Variants in ARHGAP15 observed in about 807,000 individuals in gnomAD.
ARHGAP15 encodes rho GTPase-activating protein 15.
A neutral mutation model predicts 63.7 loss-of-function variants in ARHGAP15; 51 were observed. The ratio of observed to expected loss-of-function variants is 0.80; its 90% confidence interval spans 0.64 to 1.01. The LOEUF (loss-of-function observed/expected upper bound fraction) is 1.01. Among genes scored for constraint, ARHGAP15 ranks in the 50% least tolerant of loss-of-function variants. The probability of loss-of-function intolerance (pLI) is 0.00; values close to 1 mark genes in which losing one functional copy is unlikely to be tolerated. For synonymous variants in ARHGAP15, 191 were observed against 193.8 expected, an observed-to-expected ratio of 0.99 and a Z score of 0.12; for missense variants, 560 against 564.6, an observed-to-expected ratio of 0.99 and a Z score of 0.08.
chr2:143,476,663 T>G (rs556924686), intron 8 of ARHGAP15, among the ~76,000 whole-genome samples: 1 of 152,202 alleles, frequency 6.6e-6, no homozygotes, highest in Non-Finnish European at 1.5e-5. Flanking sequence ...CATTAAACAA[T>G]AGCAAAGCTC....
chr2:143,156,920 T>C (rs1286165078), intron 2 of ARHGAP15, among the ~76,000 whole-genome samples: 1 of 151,962 alleles, frequency 6.6e-6, no homozygotes, highest in Non-Finnish European at 1.5e-5. Context: ...TAGAGTAAAT[T>C]ATTGGAATCT....
chr2:143,547,461 G>A (rs189734852), intron 10 of ARHGAP15, among the ~76,000 whole-genome samples: 11 of 152,034 alleles, frequency 7.2e-5, no homozygotes, highest in African/African-American at 2.7e-4. Flanking sequence ...AAACAAGCCT[G>A]ATCCATAAAG....
At chr2:143,623,021 C>A (rs1471485528) in intron 11 of ARHGAP15, among the ~76,000 whole-genome samples, 1 of 152,128 alleles carries the variant, frequency 6.6e-6, no homozygotes, top group Non-Finnish European at 1.5e-5. Context: ...GACCAAATAC[C>A]TCGGCGCTTG....
At chr2:143,513,567 CTCT>C (rs1418067216) in intron 9 of ARHGAP15, among the ~76,000 whole-genome samples, 1 of 152,196 alleles carries the variant, frequency 6.6e-6, no homozygotes, top group Non-Finnish European at 1.5e-5. Context: ...AGTTTCACTC[CTCT>C]ACTGAAACCA....
At chr2:143,442,958 C>A (rs1689957742) in intron 8 of ARHGAP15, among the ~76,000 whole-genome samples, 1 of 152,134 alleles carries the variant, frequency 6.6e-6, no homozygotes. Flanking sequence ...ATTGATAACT[C>A]ATTGTTTTCC....
intron 8 of ARHGAP15, among the ~76,000 whole-genome samples, chr2:143,439,422 C>CCAAAAAAAAAAAA (rs1689767014): frequency 3.2e-5 from 1 of 31,736 alleles, no homozygotes; most frequent in African/African-American, 1.1e-4. Flanking sequence ...GACTCTGTCT[C>CCAAAAAAAAAAAA]AAAAAAAAAA....
intron 1 of ARHGAP15, among the ~76,000 whole-genome samples, chr2:143,146,163 G>T (rs962837804): frequency 6.6e-6 from 1 of 151,650 alleles, no homozygotes; most frequent in African/African-American, 2.4e-5. Context: ...TTAAGAGAGT[G>T]AAAAAGCAAC....
intron 10 of ARHGAP15, among the ~76,000 whole-genome samples, chr2:143,546,153 A>T (rs1362537541): frequency 6.6e-6 from 1 of 152,154 alleles, no homozygotes; most frequent in Non-Finnish European, 1.5e-5. Flanking sequence ...TTGGGAATCC[A>T]TTTTCCCACA....
At chr2:143,576,577 C>T (rs1184039035) in intron 11 of ARHGAP15, among the ~76,000 whole-genome samples, 2 of 152,002 alleles carry the variant, frequency 1.3e-5, no homozygotes, top group African/African-American at 2.4e-5. Flanking sequence ...TACACTCTAT[C>T]GACGTAATCA....
chr2:143,306,313 G>A (rs533582912), intron 6 of ARHGAP15, among the ~76,000 whole-genome samples: 378 of 152,236 alleles, frequency 2.5e-3, no homozygotes, highest in Non-Finnish European at 3.7e-3. Flanking sequence ...GAGATAGGGG[G>A]AGACGACTGC....
intron 6 of ARHGAP15, among the ~76,000 whole-genome samples, chr2:143,266,011 C>T (rs903348325): frequency 2.4e-4 from 37 of 151,246 alleles, no homozygotes; most frequent in African/African-American, 8.8e-4. Flanking sequence ...TATTCAGTTA[C>T]ATCAAACTCT....
chr2:143,571,490 T>C (rs1179345275), intron 11 of ARHGAP15, among the ~76,000 whole-genome samples: 3 of 152,232 alleles, frequency 2.0e-5, no homozygotes, highest in African/African-American at 7.2e-5. Context: ...AGCTGAGATT[T>C]GGAGAAGGCA....
intron 6 of ARHGAP15, among the ~76,000 whole-genome samples, chr2:143,433,609 A>C (rs1348303834): frequency 6.6e-6 from 1 of 152,102 alleles, no homozygotes; most frequent in African/African-American, 2.4e-5. Context: ...AAAAATGCAA[A>C]CGCACTGCTA....
intron 12 of ARHGAP15, among the ~76,000 whole-genome samples, chr2:143,635,194 CTTTTTTTTTTTT>C (rs10558886): frequency 1.7e-3 from 46 of 26,890 alleles, no homozygotes; most frequent in African/African-American, 6.6e-3. Flanking sequence ...CTCTCAGGAG[CTTTTTTTTTTTT>C]TTTTTTTTTT....
chr2:143,526,188 T>C (rs564274837), intron 10 of ARHGAP15, among the ~76,000 whole-genome samples: 27 of 151,546 alleles, frequency 1.8e-4, no homozygotes, highest in African/African-American at 6.4e-4. Flanking sequence ...ATGACAGTCT[T>C]ATTATCAAAA....
chr2:143,258,916 A>G (rs1396046577), intron 6 of ARHGAP15, among the ~76,000 whole-genome samples: 2 of 152,174 alleles, frequency 1.3e-5, no homozygotes, highest in Non-Finnish European at 2.9e-5. Flanking sequence ...AAACTAAAAA[A>G]ATTACAGTGG....
intron 8 of ARHGAP15, among the ~76,000 whole-genome samples, chr2:143,475,810 A>G (rs533906512): frequency 1.3e-5 from 2 of 152,374 alleles, no homozygotes; most frequent in South Asian, 2.1e-4. Context: ...TAGAACATTC[A>G]AGTAAACTTG....
chr2:143,394,739 G>A (rs1173354662), intron 6 of ARHGAP15, among the ~76,000 whole-genome samples: 1 of 152,154 alleles, frequency 6.6e-6, no homozygotes, highest in African/African-American at 2.4e-5. Flanking sequence ...ACACTTCAAT[G>A]TCAGTTGTAT....
At chr2:143,134,141 AT>A (rs1689033457) in intron 1 of ARHGAP15, among the ~76,000 whole-genome samples, 7 of 36,592 alleles carry the variant, frequency 1.9e-4, no homozygotes, top group African/African-American at 3.8e-4. Context: ...CTATCTATCT[AT>A]CTATCTATCT....
Sources: gnomAD v4.1 joint callset for allele counts (sites outside exome capture counted in the v4.1 genomes callset) on GRCh38, gnomAD v4.1.1 for gene constraint, MANE v1.5 for transcripts, NCBI Gene and HGNC (gene_info 2026-07-23, HGNC 2026-07-21) for gene names.